Variants in SORCS3 observed in about 807,000 individuals in gnomAD.
SORCS3 encodes VPS10 domain-containing receptor SorCS3.
Under a neutral mutation model 146.3 loss-of-function variants are expected in SORCS3, and 57 were observed. The observed-to-expected ratio is 0.39, with a 90% CI of 0.31 to 0.49. SORCS3 has a LOEUF of 0.49. Among genes scored for constraint, SORCS3 ranks in the 20% least tolerant of loss-of-function variants. The pLI, the probability that SORCS3 is intolerant of heterozygous loss-of-function variation, is 0.92. For synonymous variants in SORCS3, 653 were observed against 618.5 expected, an observed-to-expected ratio of 1.06 and a Z score of -0.83; for missense variants, 1,341 against 1,575.5, an observed-to-expected ratio of 0.85 and a Z score of 2.52.
intron 2 of SORCS3, among the ~76,000 whole-genome samples, chr10:104,887,960 G>A (rs917765957): frequency 8.2e-6 from 1 of 122,602 alleles, no homozygotes; most frequent in Non-Finnish European, 1.7e-5. Context: ...TGGTGGGGGC[G>A]GGGGGGCGGG....
In SORCS3 at chr10:105,091,751, A is replaced by G. The variant is rs188471342; in HGVS notation, c.1093+1912A>G. Among the ~76,000 whole-genome samples, 25 of 152,298 alleles carry G rather than the reference A, an allele frequency of 1.6e-4. 1 individual carries two copies. The East Asian group carries it at 4.6e-3, about 28-fold the overall frequency. On this transcript the variant is annotated intron_variant, in intron 6 of 26. Transcript: ENST00000369701. ...GGTGGTGGAGCCTGGATTCAAAATT[A>G]TATTATCCAATTCTTATGGCTGAGA...
chr10:104,785,262 C>T (rs2017420875), intron 1 of SORCS3, among the ~76,000 whole-genome samples: 1 of 147,036 alleles, frequency 6.8e-6, no homozygotes, highest in Non-Finnish European at 1.5e-5. Context: ...CCTTGGGATC[C>T]TGTTGATCTG....
At chr10:104,695,335 T>C (rs984843423) in intron 1 of SORCS3, among the ~76,000 whole-genome samples, 10 of 151,658 alleles carry the variant, frequency 6.6e-5, no homozygotes, top group Non-Finnish European at 1.5e-4. Flanking sequence ...GGTGGTTTGT[T>C]ATTTGCTGGG....
At chr10:104,995,576 T>C (rs1304197631) in intron 4 of SORCS3, among the ~76,000 whole-genome samples, 1 of 152,222 alleles carries the variant, frequency 6.6e-6, no homozygotes, top group Non-Finnish European at 1.5e-5. Context: ...CTATATGTTT[T>C]CTATGGTTTT....
chr10:104,737,972 C>T (rs895260951), intron 1 of SORCS3, among the ~76,000 whole-genome samples: 1 of 151,284 alleles, frequency 6.6e-6, no homozygotes, highest in Non-Finnish European at 1.5e-5. Context: ...AGGAAGGGAT[C>T]CAGTTTCAGC....
intron 20 of SORCS3, among the ~76,000 whole-genome samples, chr10:105,238,965 A>G (rs2056808616): frequency 6.6e-6 from 1 of 152,174 alleles, no homozygotes; most frequent in African/African-American, 2.4e-5. Context: ...AGAATCTATA[A>G]CTATCACTTT....
chr10:104,756,488 G>C (rs1353537485), intron 1 of SORCS3, among the ~76,000 whole-genome samples: 2 of 152,158 alleles, frequency 1.3e-5, no homozygotes, highest in Admixed American at 1.3e-4. Context: ...GTTCAGCAGG[G>C]GTAAATAACT....
intron 9 of SORCS3, among the ~76,000 whole-genome samples, chr10:105,154,630 A>G (rs921457563): frequency 6.6e-6 from 1 of 152,192 alleles, no homozygotes; most frequent in East Asian, 1.9e-4. Flanking sequence ...AGTTAATTCA[A>G]TGCTTTGTAG....
chr10:104,642,786 C>A (rs2015441884), intron 1 of SORCS3, among the ~76,000 whole-genome samples: 1 of 152,204 alleles, frequency 6.6e-6, no homozygotes, highest in South Asian at 2.1e-4. Flanking sequence ...GAGCTTCCTG[C>A]ACACCTCTCC....
At chr10:104,873,301 C>T (rs891374417) in intron 2 of SORCS3, among the ~76,000 whole-genome samples, 2 of 152,162 alleles carry the variant, frequency 1.3e-5, no homozygotes, top group African/African-American at 4.8e-5. Context: ...TACTGGCTGA[C>T]CAGATCATCC....
At chr10:105,137,711 G>T (rs2056068404) in intron 7 of SORCS3, among the ~76,000 whole-genome samples, 1 of 152,202 alleles carries the variant, frequency 6.6e-6, no homozygotes, top group Non-Finnish European at 1.5e-5. Context: ...CCCCAACTCA[G>T]ATCTATTGAA....
At chr10:104,734,632 A>G (rs1211640211) in intron 1 of SORCS3, among the ~76,000 whole-genome samples, 1 of 152,228 alleles carries the variant, frequency 6.6e-6, no homozygotes, top group African/African-American at 2.4e-5. Flanking sequence ...CAATCATCAT[A>G]GTGAGAATGA....
At chr10:104,803,655 C>T (rs973227101) in intron 1 of SORCS3, among the ~76,000 whole-genome samples, 1 of 152,138 alleles carries the variant, frequency 6.6e-6, no homozygotes, top group African/African-American at 2.4e-5. Context: ...GCCACTCTCC[C>T]TTTCTGGCTA....
At chr10:105,259,895 T>C (rs769175019) in intron 25 of SORCS3, among the ~76,000 whole-genome samples, 2 of 152,162 alleles carry the variant, frequency 1.3e-5, no homozygotes, top group Non-Finnish European at 2.9e-5. Flanking sequence ...TTACTCCTCT[T>C]ATTTAAACCT....
At position 104,856,271 on chromosome 10, in the gene SORCS3, G is replaced by GTC. The variant is rs573415575; in HGVS notation, c.695+13428_695+13429dup. On this transcript the variant is annotated intron_variant, in intron 2 of 26. Coordinates refer to ENST00000369701, the MANE Select transcript of SORCS3 (RefSeq NM_014978.3). ...CCTTCCAGGTGCCCCTAATTGGTTG[G>GTC]TCTCTCTCTCTCTCTCTACATATAT... Among the ~76,000 whole-genome samples, 775 of 148,560 alleles carry GTC rather than the reference G, an allele frequency of 5.2e-3. 10 individuals are homozygous for GTC. Among genetic ancestry groups the GTC allele is most frequent in the African/African-American group, 0.016 (641 of 40,454 alleles).
At chr10:104,980,007 T>A (rs1293090514) in intron 4 of SORCS3, among the ~76,000 whole-genome samples, 1 of 152,204 alleles carries the variant, frequency 6.6e-6, no homozygotes, top group Non-Finnish European at 1.5e-5. Context: ...GCAATATGTC[T>A]CCTGTGTATC....
intron 1 of SORCS3, among the ~76,000 whole-genome samples, chr10:104,690,795 G>GGATC (rs1323520215): frequency 6.6e-6 from 1 of 152,150 alleles, no homozygotes; most frequent in Non-Finnish European, 1.5e-5. Context: ...GCTGACCCCT[G>GGATC]ACTGTGCATC....
intron 1 of SORCS3, among the ~76,000 whole-genome samples, chr10:104,774,206 C>T (rs980814082): frequency 5.9e-5 from 9 of 152,176 alleles, no homozygotes; most frequent in East Asian, 1.9e-4. Flanking sequence ...CCCCAAATCT[C>T]GCAGCTGTCA....
intron 1 of SORCS3, among the ~76,000 whole-genome samples, chr10:104,764,305 C>A (rs1205522845): frequency 6.6e-6 from 1 of 152,058 alleles, no homozygotes; most frequent in Non-Finnish European, 1.5e-5. Context: ...TCTGATGAAG[C>A]GGTCTGAGGT....
Sources: allele counts gnomAD v4.1 joint callset (sites outside exome capture counted in the v4.1 genomes callset), GRCh38; gene constraint gnomAD v4.1.1; transcripts MANE v1.5; gene names NCBI Gene and HGNC (gene_info 2026-07-23, HGNC 2026-07-21).